The following SENP1 variants were observed in gnomAD, a reference collection of about 807,000 sequenced individuals.
The protein encoded by SENP1 is SUMO specific peptidase 1.
A neutral mutation model predicts 93.0 loss-of-function variants in SENP1; 21 were observed. The ratio of observed to expected loss-of-function variants is 0.23; its 90% CI spans 0.16 to 0.33. The LOEUF (loss-of-function observed/expected upper bound fraction) is 0.33. SENP1 is among the 10% of genes least tolerant of loss of function. The probability of loss-of-function intolerance (pLI) is 1.00; values close to 1 mark genes in which losing one functional copy is unlikely to be tolerated. For synonymous variants in SENP1, 256 were observed against 259.6 expected, an observed-to-expected ratio of 0.99 and a Z score of 0.13; for missense variants, 591 against 758.7, an observed-to-expected ratio of 0.78 and a Z score of 2.60.
chr12:48,047,793 G>C (rs2136748725), intron 15 of SENP1, among the ~76,000 whole-genome samples: 1 of 152,248 alleles, frequency 6.6e-6, no homozygotes, highest in East Asian at 1.9e-4. Flanking sequence ...CTACATTTTA[G>C]TGCATTAGGA....
intron 1 of SENP1, among the ~76,000 whole-genome samples, chr12:48,104,234 T>G (rs751495632): frequency 8.0e-4 from 53 of 66,340 alleles, no homozygotes; most frequent in Non-Finnish European, 9.3e-4. Context: ...AAAATATATA[T>G]AGAGAGAGAG....
chr12:48,046,534 A>G, intron 16 of SENP1, 83 bp from the exon 17 acceptor site: 2 of 985,504 alleles, frequency 2.0e-6, no homozygotes, highest in Non-Finnish European at 3.2e-6. Context: ...AAAGATATAA[A>G]TTGTACAGGT....
intron 13 of SENP1, among the ~76,000 whole-genome samples, chr12:48,061,003 C>A (rs1942923913): frequency 6.6e-6 from 1 of 152,066 alleles, no homozygotes; most frequent in African/African-American, 2.4e-5. Flanking sequence ...ATAGAGAAAT[C>A]CATTTATGAA....
At position 48,043,911 on chromosome 12, in the gene SENP1, G is replaced by A. The variant is rs963063722; in HGVS notation, c.*1411C>T. 5 of 152,552 alleles carry A rather than the reference G, an allele frequency of 3.3e-5. No homozygotes were observed. Among genetic ancestry groups the A allele is most frequent in the Admixed American group, 6.6e-5 (1 of 15,260 alleles). The allele number at this position is 152,552 out of a possible 1,614,324, so 9.4% of individuals were successfully genotyped here. The stretch of plus-strand genomic sequence containing the variant: ...AATGCTGGAAAGAATGCGGTACAAC[G>A]GGAGAGGAGAAAAGATTTCATACAA... On this transcript the variant is annotated 3_prime_UTR_variant, in exon 18 of 18. Coordinates refer to ENST00000549518, the MANE Select transcript of SENP1 (RefSeq NM_001267594.2).
At chr12:48,056,537 ATAT>A (rs1188301319) in intron 13 of SENP1, among the ~76,000 whole-genome samples, 1 of 54,702 alleles carries the variant, frequency 1.8e-5, no homozygotes, top group Non-Finnish European at 2.6e-5. Context: ...ATATATAAAT[ATAT>A]TATTTAATAT....
At chr12:48,092,777 A>G (rs1379958182) in intron 4 of SENP1, among the ~76,000 whole-genome samples, 3 of 152,254 alleles carry the variant, frequency 2.0e-5, no homozygotes, top group African/African-American at 4.8e-5. Context: ...GAGGATAAAC[A>G]TAAGAAAAAT....
At chr12:48,104,039 T>C (rs1226331043) in intron 1 of SENP1, among the ~76,000 whole-genome samples, 1 of 151,852 alleles carries the variant, frequency 6.6e-6, no homozygotes, top group Non-Finnish European at 1.5e-5. Flanking sequence ...GGTGAAACCC[T>C]GTCTCTACGA....
chr12:48,046,896 T>TC (rs1439866417), intron 16 of SENP1, 82 bp downstream of exon 16: 1 of 869,496 alleles, frequency 1.2e-6, no homozygotes, highest in Non-Finnish European at 1.9e-6. Flanking sequence ...ACACAGGTGG[T>TC]CCCTGGGAAT....
At chr12:48,069,798 G>C (rs1943554319) in intron 9 of SENP1, among the ~76,000 whole-genome samples, 2 of 152,114 alleles carry the variant, frequency 1.3e-5, no homozygotes, top group South Asian at 4.1e-4. Context: ...AAGAAATAAA[G>C]AATCCAAACT....
chr12:48,055,812 CAT>C (rs1327662977), intron 13 of SENP1, among the ~76,000 whole-genome samples: 2 of 140,774 alleles, frequency 1.4e-5, no homozygotes, highest in African/African-American at 2.6e-5. Flanking sequence ...TAAAATATAT[CAT>C]ATTAATATAT....
chr12:48,054,069 T>C (rs1262240958), intron 13 of SENP1, among the ~76,000 whole-genome samples: 1 of 152,202 alleles, frequency 6.6e-6, no homozygotes, highest in Non-Finnish European at 1.5e-5. Flanking sequence ...GTTATCCTGC[T>C]TCACGTAGGA....
At chr12:48,053,947 G>A (rs1942017668) in intron 13 of SENP1, among the ~76,000 whole-genome samples, 1 of 152,108 alleles carries the variant, frequency 6.6e-6, no homozygotes, top group Non-Finnish European at 1.5e-5. Flanking sequence ...CCCCAAAAAA[G>A]AGACATGTCA....
chr12:48,056,423 CAT>C (rs1178406923), intron 13 of SENP1, among the ~76,000 whole-genome samples: 4 of 110,124 alleles, frequency 3.6e-5, no homozygotes, highest in African/African-American at 1.5e-4. Context: ...TAATATAGTA[CAT>C]ATTACATATA....
At chr12:48,055,140 A>G (rs1592300788) in intron 13 of SENP1, 1 of 260,748 alleles carries the variant, frequency 3.8e-6, no homozygotes, top group Non-Finnish European at 7.3e-6. Flanking sequence ...TGCGCTTGGC[A>G]GGGGAGCCAC....
At chr12:48,068,669 C>T (rs928058520) in intron 9 of SENP1, among the ~76,000 whole-genome samples, 7 of 152,028 alleles carry the variant, frequency 4.6e-5, no homozygotes, top group African/African-American at 1.7e-4. Flanking sequence ...CTAGGAAATT[C>T]ATTTGTTTAA....
At chr12:48,100,125 A>G (rs1945826636) in intron 2 of SENP1, among the ~76,000 whole-genome samples, 1 of 152,226 alleles carries the variant, frequency 6.6e-6, no homozygotes, top group Non-Finnish European at 1.5e-5. Flanking sequence ...GGGATGTTAT[A>G]AGACCTAAGT....
At chr12:48,090,516 A>G (rs755560206) in intron 4 of SENP1, among the ~76,000 whole-genome samples, 15 of 152,208 alleles carry the variant, frequency 9.9e-5, no homozygotes, top group East Asian at 1.9e-4. Flanking sequence ...TCCAATCCCA[A>G]TGAAATTGCT....
intron 5 of SENP1, 64 bp downstream of exon 5, chr12:48,088,737 C>G (rs890890335): frequency 6.2e-6 from 9 of 1,457,808 alleles, no homozygotes; most frequent in Non-Finnish European, 8.5e-6. Flanking sequence ...TAACTATCTA[C>G]CTTTTAGTCA....
At chr12:48,100,666 G>A (rs1460815752) in intron 2 of SENP1, among the ~76,000 whole-genome samples, 10 of 151,718 alleles carry the variant, frequency 6.6e-5, no homozygotes, top group Admixed American at 6.6e-5. Context: ...AAAAAAGAAC[G>A]AGAACTCTAG....
Sources: gnomAD v4.1 joint callset for allele counts (sites outside exome capture counted in the v4.1 genomes callset) on GRCh38, gnomAD v4.1.1 for gene constraint, MANE v1.5 for transcripts, NCBI Gene and HGNC (gene_info 2026-07-23, HGNC 2026-07-21) for gene names.